STPG2: variants seen among roughly 807,000 people sequenced by gnomAD.
STPG2 encodes the protein sperm-tail PG-rich repeat-containing protein 2.
In STPG2, 56 loss-of-function variants were observed where a neutral mutation model predicts 54.2. That is an observed-to-expected ratio of 1.03 (90% CI 0.83 to 1.29). The LOEUF is 1.29. STPG2 is among the 50% of genes most tolerant of loss of function. The probability of loss-of-function intolerance (pLI) is 0.00; values close to 1 mark genes in which losing one functional copy is unlikely to be tolerated. For missense variants in STPG2, 596 were observed against 544.9 expected, an observed-to-expected ratio of 1.09 and a Z score of -0.93; for synonymous variants, 200 against 181.8, an observed-to-expected ratio of 1.10 and a Z score of -0.81.
At chr4:97,544,175 C>A (rs1368380796) in intron 4 of STPG2, among the ~76,000 whole-genome samples, 1 of 152,020 alleles carries the variant, frequency 6.6e-6, no homozygotes, top group African/African-American at 2.4e-5. Flanking sequence ...TATAAAGATA[C>A]AATTCCAGTT....
intron 9 of STPG2, among the ~76,000 whole-genome samples, chr4:97,812,685 C>T (rs1280656440): frequency 6.6e-6 from 1 of 152,032 alleles, no homozygotes; most frequent in Non-Finnish European, 1.5e-5. Flanking sequence ...TGTAATGCCC[C>T]AGTAGCTTAG....
chr4:97,931,185 T>TA, intron 8 of STPG2, among the ~76,000 whole-genome samples: 1 of 152,324 alleles, frequency 6.6e-6, no homozygotes, highest in East Asian at 1.9e-4. Context: ...TTTTTTCTCC[T>TA]GCCCGATGGC....
intron 7 of STPG2, among the ~76,000 whole-genome samples, chr4:97,958,550 A>T (rs1050163439): frequency 6.6e-6 from 1 of 152,188 alleles, no homozygotes; most frequent in Non-Finnish European, 1.5e-5. Flanking sequence ...GTGGAAAAAG[A>T]CACTCCATGC....
At chr4:97,660,632 C>A (rs534411081) in intron 10 of STPG2, among the ~76,000 whole-genome samples, 1 of 152,068 alleles carries the variant, frequency 6.6e-6, no homozygotes, top group African/African-American at 2.4e-5. Flanking sequence ...TCAATTCACA[C>A]GCAAGGCAAG....
At chr4:97,862,319 T>C (rs996804554) in intron 8 of STPG2, among the ~76,000 whole-genome samples, 18 of 151,988 alleles carry the variant, frequency 1.2e-4, no homozygotes, top group Admixed American at 1.2e-3. Flanking sequence ...AAACAGACTT[T>C]AAACCAACAA....
chr4:98,079,388 T>C (rs2110114648), intron 5 of STPG2, among the ~76,000 whole-genome samples: 2 of 152,308 alleles, frequency 1.3e-5, no homozygotes, highest in Middle Eastern at 6.8e-3. Context: ...TGAAGACAGA[T>C]GTGGGTCACC....
intron 4 of STPG2, among the ~76,000 whole-genome samples, chr4:98,107,717 T>A (rs1335899390): frequency 6.6e-6 from 1 of 151,978 alleles, no homozygotes; most frequent in Admixed American, 6.6e-5. Flanking sequence ...TTTTAAAAGA[T>A]GAATTTTGAT....
At chr4:97,968,489 A>G (rs1734199775) in intron 7 of STPG2, among the ~76,000 whole-genome samples, 1 of 152,218 alleles carries the variant, frequency 6.6e-6, no homozygotes. Context: ...ACAAAAAAAG[A>G]GAATTTTAGA....
chr4:97,993,972 CTCT>C (rs59277274), intron 5 of STPG2, among the ~76,000 whole-genome samples: 1,992 of 152,080 alleles, frequency 0.013, 53 homozygotes, highest in African/African-American at 0.045. Flanking sequence ...TGGATCTTCT[CTCT>C]TCATTTCTTC....
chr4:97,709,641 C>A (rs1011602539), intron 10 of STPG2, among the ~76,000 whole-genome samples: 2 of 151,590 alleles, frequency 1.3e-5, no homozygotes, highest in Admixed American at 6.6e-5. Context: ...AAAATATTCT[C>A]ACATAGTCAC....
chr4:98,065,374 G>T (rs1383975651), intron 5 of STPG2, among the ~76,000 whole-genome samples: 4 of 152,018 alleles, frequency 2.6e-5, no homozygotes, highest in Non-Finnish European at 5.9e-5. Context: ...CCAGTAACTG[G>T]ATAATTATAT....
intron 9 of STPG2, among the ~76,000 whole-genome samples, chr4:97,746,478 CA>C (rs1725424508): frequency 6.6e-6 from 1 of 151,112 alleles, no homozygotes; most frequent in Non-Finnish European, 1.5e-5. Flanking sequence ...ACAGAAGGGA[CA>C]AAACTTTTTC....
Position 97,687,861 on chromosome 4 carries a change from T to C in STPG2, c.1320+24838A>G, listed in dbSNP as rs1012651484. On this transcript the variant is annotated intron_variant, in intron 10 of 10. Transcript: ENST00000295268. ...GGAAGCACTTCCTTTACAGTGCTAG[T>C]TTAGTCTTCTGCATGCCATGGATGT... Among the ~76,000 whole-genome samples the C allele has an allele frequency of 2.6e-5, 4 of 152,118 alleles. No homozygotes were observed. The East Asian group carries it at 5.8e-4, about 22-fold the overall frequency.
intron 4 of STPG2, among the ~76,000 whole-genome samples, chr4:97,479,061 T>G (rs1311319608): frequency 6.6e-6 from 1 of 151,864 alleles, no homozygotes; most frequent in Non-Finnish European, 1.5e-5. Context: ...TGATTAAATA[T>G]TTAAATATAA....
intron 10 of STPG2, among the ~76,000 whole-genome samples, chr4:97,710,112 G>T (rs1724066394): frequency 9.9e-6 from 1 of 100,758 alleles, no homozygotes. Flanking sequence ...TTCTAAAATT[G>T]TATGCACATT....
At chr4:97,947,732 C>G (rs971950100) in intron 7 of STPG2, among the ~76,000 whole-genome samples, 1 of 151,864 alleles carries the variant, frequency 6.6e-6, no homozygotes, top group African/African-American at 2.4e-5. Context: ...GTTAAACCAT[C>G]CCTGCATCCC....
intron 5 of STPG2, among the ~76,000 whole-genome samples, chr4:98,013,605 T>G (rs1735829841): frequency 1.5e-5 from 2 of 133,980 alleles, no homozygotes; most frequent in Admixed American, 1.5e-4. Context: ...TTTTTTTTTT[T>G]TTTTGGTTAG....
At chr4:97,534,692 T>C (rs1266413115) in intron 4 of STPG2, among the ~76,000 whole-genome samples, 1 of 152,172 alleles carries the variant, frequency 6.6e-6, no homozygotes. Context: ...TTTTGACAAA[T>C]GTATGCAGTC....
At chr4:97,880,693 C>A (rs1730337363) in intron 8 of STPG2, among the ~76,000 whole-genome samples, 1 of 152,104 alleles carries the variant, frequency 6.6e-6, no homozygotes, top group Admixed American at 6.5e-5. Flanking sequence ...AAATTACCCA[C>A]TTCAGCTAAA....
Sources: allele counts gnomAD v4.1 joint callset (sites outside exome capture counted in the v4.1 genomes callset), GRCh38; gene constraint gnomAD v4.1.1; transcripts MANE v1.5; gene names NCBI Gene and HGNC (gene_info 2026-07-23, HGNC 2026-07-21).